IL15: variants seen among roughly 807,000 people sequenced by gnomAD.
IL15 encodes the protein interleukin-15.
Under a neutral mutation model 19.6 loss-of-function variants are expected in IL15, and 11 were observed. The ratio of observed to expected loss-of-function variants is 0.56; its 90% CI spans 0.35 to 0.93. The LOEUF is 0.93. Ranked by LOEUF, IL15 falls within the 40% of genes least tolerant of loss-of-function variation. The probability of loss-of-function intolerance (pLI) is 0.01; values close to 1 mark genes in which losing one functional copy is unlikely to be tolerated. For synonymous variants in IL15, 58 were observed against 59.6 expected, an observed-to-expected ratio of 0.97 and a Z score of 0.12; for missense variants, 197 against 186.5, an observed-to-expected ratio of 1.06 and a Z score of -0.33.
intron 2 of IL15, among the ~76,000 whole-genome samples, chr4:141,683,909 G>A (rs556554689): frequency 1.9e-4 from 29 of 152,276 alleles, no homozygotes; most frequent in African/African-American, 5.5e-4. Flanking sequence ...AACATATTGC[G>A]AATGGATTTG....
chr4:141,676,523 C>T (rs1344422781), intron 2 of IL15, among the ~76,000 whole-genome samples: 1 of 152,156 alleles, frequency 6.6e-6, no homozygotes, highest in African/African-American at 2.4e-5. Flanking sequence ...GGACTTTAAA[C>T]TCATTACACA....
At chr4:141,692,892 C>A (rs1469996483) in intron 2 of IL15, among the ~76,000 whole-genome samples, 2 of 151,706 alleles carry the variant, frequency 1.3e-5, no homozygotes, top group African/African-American at 2.4e-5. Context: ...TTCAAATTAT[C>A]TTTGTAGCAG....
Position 141,681,496 on chromosome 4 carries a change from C to CATGAT in IL15, c.-100+25191_-100+25195dup, listed in dbSNP as rs1318634515. 3.3e-5 allele frequency among the ~76,000 whole-genome samples: 5 copies of CATGAT among 152,200 alleles called. No individual in the cohort carries two copies. The East Asian group carries it at 9.7e-4, about 29-fold the overall frequency. On this transcript the variant is annotated intron_variant, in intron 2 of 7. Coordinates refer to ENST00000320650, the MANE Select transcript of IL15 (RefSeq NM_000585.5). ...GCTGCTTCACTGTGTCTTGATGCCT[C>CATGAT]ATGATAGCACAGGTTCTAGAATGCC...
chr4:141,700,774 A>C (rs1729266143), intron 2 of IL15, among the ~76,000 whole-genome samples: 1 of 152,172 alleles, frequency 6.6e-6, no homozygotes, highest in Admixed American at 6.5e-5. Context: ...CTTAGGTTTG[A>C]CCATTTTACA....
chr4:141,686,035 G>A lies in IL15; in HGVS notation c.-100+29728G>A, dbSNP rs141759828. On this transcript the variant is annotated intron_variant, in intron 2 of 7. Transcript: ENST00000320650. Reference sequence around the variant, plus strand: ...CAGTAGGCTGGGCGCAGTGGCTCACGTCTATAATCCCAGCATTTTGAGAGG... The same window carrying A: ...CAGTAGGCTGGGCGCAGTGGCTCACATCTATAATCCCAGCATTTTGAGAGG... Among the ~76,000 whole-genome samples the A allele has an allele frequency of 2.3e-3, 357 of 152,146 alleles. 1 individual carries two copies. Among genetic ancestry groups the A allele is most frequent in the African/African-American group, 7.2e-3 (299 of 41,524 alleles).
At chr4:141,664,108 G>C (rs1727884113) in intron 2 of IL15, among the ~76,000 whole-genome samples, 1 of 152,022 alleles carries the variant, frequency 6.6e-6, no homozygotes, top group South Asian at 2.1e-4. Flanking sequence ...TCTCAACCCT[G>C]CTACTGATGC....
At chr4:141,681,259 T>C (rs998426610) in intron 2 of IL15, among the ~76,000 whole-genome samples, 3 of 151,882 alleles carry the variant, frequency 2.0e-5, no homozygotes, top group Non-Finnish European at 4.4e-5. Context: ...CTCTTTTTTT[T>C]CTAATAAGTT....
chr4:141,646,553 C>T (rs1454005905), intron 1 of IL15, among the ~76,000 whole-genome samples: 1 of 152,064 alleles, frequency 6.6e-6, no homozygotes, highest in Non-Finnish European at 1.5e-5. Context: ...CACTCCCTGT[C>T]CCAACCCTGT....
chr4:141,677,398 A>C (rs1202924982), intron 2 of IL15, among the ~76,000 whole-genome samples: 1 of 152,218 alleles, frequency 6.6e-6, no homozygotes, highest in Non-Finnish European at 1.5e-5. Flanking sequence ...TACAGTACCT[A>C]CTACATATGA....
intron 1 of IL15, among the ~76,000 whole-genome samples, chr4:141,648,167 A>C (rs142680047): frequency 6.6e-6 from 1 of 152,070 alleles, no homozygotes; most frequent in Non-Finnish European, 1.5e-5. Context: ...TTGGGAAACT[A>C]TTCACAGCAT....
At chr4:141,636,919 C>T (rs995029474) in intron 1 of IL15, 171 bp downstream of exon 1, 15 of 152,464 alleles carry the variant, frequency 9.8e-5, no homozygotes, top group African/African-American at 3.6e-4. Context: ...TTAGCCGCAA[C>T]TTCAATTTTT....
intron 2 of IL15, among the ~76,000 whole-genome samples, chr4:141,667,451 G>C (rs997514857): frequency 5.3e-5 from 8 of 152,140 alleles, no homozygotes; most frequent in Non-Finnish European, 1.0e-4. Flanking sequence ...TTGGTTAGGA[G>C]AAATCCCCAC....
At chr4:141,707,305 T>C (rs1370785082) in intron 2 of IL15, among the ~76,000 whole-genome samples, 4 of 152,132 alleles carry the variant, frequency 2.6e-5, no homozygotes, top group African/African-American at 9.7e-5. Flanking sequence ...CTCATTCCAA[T>C]TATTGATTGT....
At chr4:141,659,071 G>A (rs1017432196) in intron 2 of IL15, among the ~76,000 whole-genome samples, 7 of 151,780 alleles carry the variant, frequency 4.6e-5, no homozygotes, top group Middle Eastern at 3.2e-3. Flanking sequence ...CCATGGTCTC[G>A]ATCTCCTGAC....
chr4:141,703,666 A>G (rs1729406056), intron 2 of IL15, among the ~76,000 whole-genome samples: 1 of 150,696 alleles, frequency 6.6e-6, no homozygotes, highest in Non-Finnish European at 1.5e-5. Flanking sequence ...CTTCTTTCAA[A>G]AGGTCTGTGG....
intron 2 of IL15, 82 bp from the exon 3 acceptor site, chr4:141,719,284 G>A (rs915196463): frequency 4.1e-6 from 2 of 483,804 alleles, no homozygotes; most frequent in Non-Finnish European, 7.4e-6. Context: ...TTAAAAGGTA[G>A]GTGTTCAATA....
At chr4:141,642,124 A>T (rs1727065131) in intron 1 of IL15, among the ~76,000 whole-genome samples, 2 of 152,200 alleles carry the variant, frequency 1.3e-5, no homozygotes, top group Admixed American at 1.3e-4. Context: ...GATGTCTCTT[A>T]TATCAACTTT....
intron 2 of IL15, among the ~76,000 whole-genome samples, chr4:141,671,618 C>T (rs1160852939): frequency 1.3e-5 from 2 of 152,186 alleles, no homozygotes; most frequent in East Asian, 3.8e-4. Context: ...CCGCTTTCAT[C>T]ATGCAGTTTC....
chr4:141,660,638 G>A (rs1056347214), intron 2 of IL15, among the ~76,000 whole-genome samples: 2 of 152,104 alleles, frequency 1.3e-5, no homozygotes, highest in African/African-American at 4.8e-5. Flanking sequence ...GGTTTTGCTT[G>A]TTTACCAGGA....
Sources: allele counts gnomAD v4.1 joint callset (sites outside exome capture counted in the v4.1 genomes callset), GRCh38; gene constraint gnomAD v4.1.1; transcripts MANE v1.5; gene names NCBI Gene and HGNC (gene_info 2026-07-23, HGNC 2026-07-21).